DCC: variants seen among roughly 807,000 people sequenced by gnomAD.
DCC encodes the protein DCC netrin 1 receptor.
DCC carries 58 observed loss-of-function variants against 172.5 expected under a neutral mutation model. The ratio of observed to expected loss-of-function variants is 0.34; its 90% CI spans 0.27 to 0.42. The LOEUF is 0.42. Ranked by LOEUF, DCC falls within the 10% of genes least tolerant of loss-of-function variation. DCC has a pLI of 1.00. For missense variants in DCC, 1,740 were observed against 1,791.0 expected, an observed-to-expected ratio of 0.97 and a Z score of 0.51; for synonymous variants, 709 against 644.5, an observed-to-expected ratio of 1.10 and a Z score of -1.52.
intron 12 of DCC, among the ~76,000 whole-genome samples, chr18:53,268,926 G>T (rs937989615): frequency 6.6e-6 from 1 of 152,138 alleles, no homozygotes; most frequent in African/African-American, 2.4e-5. Flanking sequence ...GAAGGCAATT[G>T]CTTTTTATAG....
chr18:52,813,604 TG>T (rs920344838), intron 2 of DCC, among the ~76,000 whole-genome samples: 1 of 151,806 alleles, frequency 6.6e-6, no homozygotes, highest in Non-Finnish European at 1.5e-5. Flanking sequence ...TCAGTTTGAC[TG>T]GTACACAGTG....
rs185221389 is a variant in DCC at position 53,488,740 on chromosome 18, A to G, written c.3898+1782A>G. On this transcript the variant is annotated intron_variant, in intron 26 of 28. Coordinates refer to ENST00000442544, the MANE Select transcript of DCC (RefSeq NM_005215.4). ...TCTGTGGTTAAAAGTCTCATGTGTG[A>G]CTTGTGATTTTGAGAGTGAGTAGGT... Among the ~76,000 whole-genome samples the G allele has an allele frequency of 3.3e-5, 5 of 152,312 alleles. No homozygotes were observed. The East Asian group carries it at 5.8e-4, about 18-fold the overall frequency.
Position 52,541,875 on chromosome 18 carries a change from G to GTATATATATATATATATATATATATGTA in DCC, c.91+201018_91+201019insATATGTATATATATATATATATATATAT, listed in dbSNP as rs765428849. ...TTAAAAGTATATGATGTGTGTGTGT[G>GTATATATATATATATATATATATATGTA]TATATATATATATATATATATGTGT... On this transcript the variant is annotated intron_variant, in intron 1 of 28. Coordinates refer to ENST00000442544, the MANE Select transcript of DCC (RefSeq NM_005215.4). Among the ~76,000 whole-genome samples the GTATATATATATATATATATATATATGTA allele has an allele frequency of 5.9e-4, 68 of 115,174 alleles. 1 individual carries two copies. Among genetic ancestry groups the GTATATATATATATATATATATATATGTA allele is most frequent in the Non-Finnish European group, 1.1e-3 (63 of 56,828 alleles). The allele number at this position is 115,174 out of a possible 152,430, so 75.6% of individuals were successfully genotyped here.
At chr18:53,516,049 A>G (rs1295350923) in intron 27 of DCC, among the ~76,000 whole-genome samples, 1 of 146,680 alleles carries the variant, frequency 6.8e-6, no homozygotes, top group Non-Finnish European at 1.5e-5. Flanking sequence ...ACTTCAAACT[A>G]TACTACAAGG....
chr18:52,429,124 A>G lies in DCC; in HGVS notation c.91+88246A>G, dbSNP rs8092362. Among the ~76,000 whole-genome samples, 900 of 152,220 alleles carry G rather than the reference A, an allele frequency of 5.9e-3. 12 individuals carry two copies. Among genetic ancestry groups the G allele is most frequent in the African/African-American group, 0.021 (862 of 41,566 alleles). On this transcript the variant is annotated intron_variant, in intron 1 of 28. Transcript: ENST00000442544. ...AAGTGACTAATTTTTACTGATGTCC[A>G]TAACTGTCTTTGAGGCCCATTTATT... is the stretch of plus-strand genomic sequence containing the variant.
At position 53,206,428 on chromosome 18, in the gene DCC, T is replaced by C. The variant is rs568765286; in HGVS notation, c.1722+1064T>C. Among the ~76,000 whole-genome samples, 593 of 115,104 alleles carry C rather than the reference T, an allele frequency of 5.2e-3. 7 individuals are homozygous for C. Among genetic ancestry groups the C allele is most frequent in the Admixed American group, 0.023 (216 of 9,430 alleles). 75.5% of individuals were successfully genotyped at this position (115,104 alleles called of 152,430 possible). A position where few individuals can be genotyped will look rare whatever the true frequency, so the allele number is the denominator to read the frequency against. ...ATGTATTGTAACACATATATGTATA[T>C]ATGTATATATACATATATGTGTATA... On this transcript the variant is annotated intron_variant, in intron 10 of 28. Transcript: ENST00000442544.
At chr18:52,434,589 T>G (rs1379067625) in intron 1 of DCC, among the ~76,000 whole-genome samples, 1 of 152,188 alleles carries the variant, frequency 6.6e-6, no homozygotes, top group African/African-American at 2.4e-5. Flanking sequence ...CCATTTCACT[T>G]TTGCTTATGT....
chr18:53,456,204 G>T (rs2045480800), intron 23 of DCC, among the ~76,000 whole-genome samples: 1 of 152,180 alleles, frequency 6.6e-6, no homozygotes, highest in South Asian at 2.1e-4. Context: ...GAGACTTAAA[G>T]AATAAGTCAT....
chr18:53,207,336 T>C (rs762898252), intron 10 of DCC, among the ~76,000 whole-genome samples: 5 of 152,212 alleles, frequency 3.3e-5, no homozygotes, highest in Non-Finnish European at 5.9e-5. Context: ...CCATTTTGGG[T>C]ACAGGAGAAA....
intron 5 of DCC, among the ~76,000 whole-genome samples, chr18:53,008,702 C>A (rs943678699): frequency 1.3e-5 from 2 of 151,764 alleles, no homozygotes; most frequent in African/African-American, 4.8e-5. Context: ...TGGATGAATA[C>A]ACTATACATA....
chr18:53,087,545 T>C (rs2042933015), intron 7 of DCC, among the ~76,000 whole-genome samples: 1 of 152,180 alleles, frequency 6.6e-6, no homozygotes, highest in South Asian at 2.1e-4. Flanking sequence ...TCTCCCATTT[T>C]GTAGGTTGCC....
chr18:53,449,081 G>A (rs2045373383), intron 22 of DCC, among the ~76,000 whole-genome samples: 1 of 152,114 alleles, frequency 6.6e-6, no homozygotes, highest in Non-Finnish European at 1.5e-5. Context: ...AGGCACTGAG[G>A]TACAGAAGGT....
chr18:53,099,288 A>G (rs2043129258), intron 7 of DCC, among the ~76,000 whole-genome samples: 1 of 151,980 alleles, frequency 6.6e-6, no homozygotes, highest in African/African-American at 2.4e-5. Flanking sequence ...TCTTTATTTT[A>G]TTCAATGGGT....
chr18:52,573,917 T>C (rs893930443), intron 1 of DCC, among the ~76,000 whole-genome samples: 3 of 152,168 alleles, frequency 2.0e-5, no homozygotes, highest in Admixed American at 6.5e-5. Context: ...CACCATACTT[T>C]TCATGGGTTT....
At chr18:52,575,625 A>G (rs2033390965) in intron 1 of DCC, among the ~76,000 whole-genome samples, 1 of 152,150 alleles carries the variant, frequency 6.6e-6, no homozygotes, top group Non-Finnish European at 1.5e-5. Flanking sequence ...CTTTGTAGAA[A>G]AATCGCACTC....
chr18:53,348,054 G>A (rs901899018), intron 15 of DCC, among the ~76,000 whole-genome samples: 1 of 152,056 alleles, frequency 6.6e-6, no homozygotes, highest in South Asian at 2.1e-4. Context: ...AACCAAACAT[G>A]CCTTCCCAGC....
At chr18:52,416,403 G>C (rs866330765) in intron 1 of DCC, among the ~76,000 whole-genome samples, 3 of 152,066 alleles carry the variant, frequency 2.0e-5, no homozygotes, top group Non-Finnish European at 4.4e-5. Flanking sequence ...TTGGTGCAGA[G>C]CTGAGTTCAA....
At chr18:53,391,406 T>C (rs1908536380) in intron 16 of DCC, among the ~76,000 whole-genome samples, 1 of 152,202 alleles carries the variant, frequency 6.6e-6, no homozygotes. Context: ...GTCAAATTGA[T>C]AAAACCACTC....
chr18:53,438,666 T>G (rs2091323954), intron 22 of DCC, among the ~76,000 whole-genome samples: 1 of 152,216 alleles, frequency 6.6e-6, no homozygotes, highest in Admixed American at 6.5e-5. Flanking sequence ...CTATTCAAAT[T>G]AAAATAAATT....
Sources: gnomAD v4.1 joint callset for allele counts (sites outside exome capture counted in the v4.1 genomes callset) on GRCh38, gnomAD v4.1.1 for gene constraint, MANE v1.5 for transcripts, NCBI Gene and HGNC (gene_info 2026-07-23, HGNC 2026-07-21) for gene names.